RTCB: variants seen among roughly 807,000 people sequenced by gnomAD.
RTCB encodes the protein RNA-splicing ligase RTCB.
RTCB carries 32 observed loss-of-function variants against 58.2 expected under a neutral mutation model. The ratio of observed to expected loss-of-function variants is 0.55; its 90% CI spans 0.41 to 0.74. The LOEUF is 0.74. RTCB is among the 30% of genes least tolerant of loss of function. RTCB has a pLI of 0.00. For missense variants in RTCB, 523 were observed against 639.0 expected, an observed-to-expected ratio of 0.82 and a Z score of 1.96; for synonymous variants, 247 against 218.6, an observed-to-expected ratio of 1.13 and a Z score of -1.15.
At chr22:32,394,403 A>G (rs896057224) in intron 9 of RTCB, among the ~76,000 whole-genome samples, 6 of 151,946 alleles carry the variant, frequency 3.9e-5, no homozygotes, top group East Asian at 1.9e-4. Context: ...AAGCCACCAC[A>G]CCCGGCCGGA....
At chr22:32,406,469 C>T (rs1170159122) in intron 4 of RTCB, among the ~76,000 whole-genome samples, 193 bp downstream of exon 4, 4 of 152,008 alleles carry the variant, frequency 2.6e-5, no homozygotes, top group Admixed American at 6.6e-5. Context: ...AGTACAGGTG[C>T]GCGTCACCAC....
At chr22:32,402,302 C>G (rs560574593) in intron 4 of RTCB, among the ~76,000 whole-genome samples, 30 of 152,174 alleles carry the variant, frequency 2.0e-4, no homozygotes, top group Non-Finnish European at 2.9e-4. Flanking sequence ...ATTATTCCAT[C>G]TTTCTACTTT....
chr22:32,400,515 T>C (rs12628409), intron 5 of RTCB, among the ~76,000 whole-genome samples: 123 of 152,340 alleles, frequency 8.1e-4, no homozygotes, highest in Admixed American at 4.9e-3. Context: ...GGTCACCCCA[T>C]AGGCAGTGTG....
At position 32,387,826 on chromosome 22, in the gene RTCB, G is replaced by A. The variant is rs935804756; in HGVS notation, c.*166C>T. ...TCCTGGAAGGTTATTTTACAAGCAC[G>A]GGCCCCTGAAAGCAGCAGCCTCCCC... On this transcript the variant is annotated 3_prime_UTR_variant, in exon 12 of 12. Coordinates refer to ENST00000216038, the MANE Select transcript of RTCB (RefSeq NM_014306.5). 8.3e-5 allele frequency: 46 copies of A among 555,870 alleles called. No individual in the cohort carries two copies. The highest frequency in any genetic ancestry group is 5.8e-4 in the African/African-American group (31 of 53,304). The allele number at this position is 555,870 out of a possible 1,614,324, so 34.4% of individuals were successfully genotyped here.
chr22:32,389,180 T>A (rs1399437877), intron 11 of RTCB, among the ~76,000 whole-genome samples: 1 of 152,200 alleles, frequency 6.6e-6, no homozygotes, highest in Non-Finnish European at 1.5e-5. Flanking sequence ...CCAGTACTAC[T>A]TGGCGATTTC....
intron 9 of RTCB, 56 bp from the exon 10 acceptor site, chr22:32,394,058 T>A (rs915954086): frequency 8.1e-7 from 1 of 1,236,212 alleles, no homozygotes; most frequent in Non-Finnish European, 1.2e-6. Flanking sequence ...AGGCTTTTTA[T>A]GCATAAAATT....
intron 10 of RTCB, 164 bp from the exon 11 acceptor site, chr22:32,392,523 G>A (rs565395308): frequency 9.6e-5 from 90 of 934,854 alleles, no homozygotes; most frequent in East Asian, 3.4e-4. Context: ...ATTTTGGACC[G>A]GAGAATTCTT....
At chr22:32,394,461 T>C (rs1933210694) in intron 9 of RTCB, among the ~76,000 whole-genome samples, 1 of 152,112 alleles carries the variant, frequency 6.6e-6, no homozygotes, top group African/African-American at 2.4e-5. Flanking sequence ...ATTAAGATAG[T>C]ACTTTGATTC....
intron 4 of RTCB, among the ~76,000 whole-genome samples, chr22:32,404,027 T>C (rs1276239452): frequency 6.6e-6 from 1 of 152,242 alleles, no homozygotes; most frequent in Admixed American, 6.5e-5. Context: ...TTCCCTTCAA[T>C]TTTAAAAGAT....
intron 11 of RTCB, among the ~76,000 whole-genome samples, chr22:32,390,286 C>T (rs563251122): frequency 4.7e-4 from 72 of 152,278 alleles, no homozygotes; most frequent in African/African-American, 1.5e-3. Flanking sequence ...CTAACTATAG[C>T]GGATGGTTAG....
intron 10 of RTCB, among the ~76,000 whole-genome samples, chr22:32,393,609 A>G (rs547486067): frequency 5.8e-4 from 88 of 152,354 alleles, no homozygotes; most frequent in African/African-American, 2.0e-3. Context: ...TAAACCAGAC[A>G]GTAAGCTCAG....
chr22:32,399,914 T>C (rs892811022), intron 5 of RTCB, 155 bp from the exon 6 acceptor site: 7 of 589,702 alleles, frequency 1.2e-5, no homozygotes, highest in Middle Eastern at 5.0e-4. Flanking sequence ...TCTCAGTAAC[T>C]GGTTTTTTGA....
intron 1 of RTCB, among the ~76,000 whole-genome samples, chr22:32,411,345 G>A (rs2145900757): frequency 6.6e-6 from 1 of 152,284 alleles, no homozygotes; most frequent in East Asian, 1.9e-4. Context: ...AGATGGTGAT[G>A]AAGGCCGAGA....
rs767612001 is a variant in RTCB, at chr22:32,392,310, T to C, written c.1340A>G (p.Asp447Gly). Residue 447 changes from aspartate (D) to glycine (G), a missense_variant, in exon 11 of 12, where the codon GAT (aspartate) becomes GGT (glycine). Asp to Gly is a moderately conservative substitution (Grantham distance 94). This residue lies in a region of RTCB where 248 missense variants were observed against 292.5 expected (regional missense o/e 0.85). Coordinates refer to ENST00000216038, the MANE Select transcript of RTCB (RefSeq NM_014306.5). ...AKSRRNLDFQ[D>G]VLDKLADMGI... ...CATATCTGCCAATTTGTCTAAGACA[T>C]CCTGGAAATCTAAATTACGTCGAGA... 6.2e-7 allele frequency: 1 copy of C among 1,614,136 alleles called. No homozygotes were observed. The highest frequency in any genetic ancestry group is 1.1e-5 in the South Asian group (1 of 91,080).
chr22:32,390,407 T>A (rs528176413), intron 11 of RTCB, among the ~76,000 whole-genome samples: 1 of 152,144 alleles, frequency 6.6e-6, no homozygotes, highest in Admixed American at 6.5e-5. Context: ...TTCTGGCTGA[T>A]TGAATTCTAA....
At chr22:32,395,287 A>C in intron 8 of RTCB, 73 bp from the exon 9 acceptor site, 16 of 1,328,354 alleles carry the variant, frequency 1.2e-5, no homozygotes, top group Middle Eastern at 1.8e-4. Context: ...GACTCATCTC[A>C]CTGGTTTCAG....
intron 7 of RTCB, 111 bp from the exon 8 acceptor site, chr22:32,396,360 A>T (rs770042955): frequency 4.5e-5 from 48 of 1,072,418 alleles, no homozygotes; most frequent in Non-Finnish European, 6.1e-5. Flanking sequence ...AAAAAACCCA[A>T]TGAAAGCCAA....
At position 32,408,750 on chromosome 22, in the gene RTCB, CT is replaced by C; in HGVS notation, c.172+4del. The C allele has an allele frequency of 6.2e-7, 1 of 1,609,946 alleles. No individual in the cohort carries two copies. The highest frequency in any genetic ancestry group is 8.5e-7 in the Non-Finnish European group (1 of 1,176,216). On this transcript the variant is annotated splice_donor_region_variant and intron_variant, in intron 2 of 11. Coordinates refer to ENST00000216038, the MANE Select transcript of RTCB (RefSeq NM_014306.5). ...CTAACACAAGTGAAACTCTAATGTA[CT>C]TACCACCACCTCGACAGGCATTCCT... is the stretch of plus-strand genomic sequence containing the variant.
chr22:32,395,969 G>A (rs987739662), intron 8 of RTCB, 105 bp downstream of exon 8: 37 of 1,166,634 alleles, frequency 3.2e-5, no homozygotes, highest in Non-Finnish European at 4.6e-5. Flanking sequence ...CAAAGTGTTG[G>A]GATTACAGGC....
Sources: allele counts gnomAD v4.1 joint callset (sites outside exome capture counted in the v4.1 genomes callset), GRCh38; gene constraint gnomAD v4.1.1; regional missense constraint gnomAD v4.1.1; transcripts MANE v1.5; gene names NCBI Gene and HGNC (gene_info 2026-07-23, HGNC 2026-07-21).